Variants in RAB12 observed in about 807,000 individuals in gnomAD.
RAB12 encodes the protein ras-related protein Rab-12.
In RAB12, 11 loss-of-function variants were observed where a neutral mutation model predicts 28.4. The observed-to-expected ratio is 0.39, with a 90% CI of 0.24 to 0.64. RAB12 has a LOEUF of 0.64. Ranked by LOEUF, RAB12 falls within the 30% of genes least tolerant of loss-of-function variation. The pLI is 0.50. For missense variants in RAB12, 276 were observed against 351.1 expected (o/e 0.79, Z 1.71); for synonymous variants, 138 against 145.3 (o/e 0.95, Z 0.36).
intron 4 of RAB12, 71 bp from the exon 5 acceptor site, chr18:8,636,182 C>T: frequency 1.0e-6 from 1 of 976,306 alleles, no homozygotes. Context: ...AAGCTGAGCC[C>T]AGAGACCTCA....
At position 8,636,599 on chromosome 18, in the gene RAB12, A is replaced by G. The variant is rs75626974; in HGVS notation, c.909+242A>G. Among the ~76,000 whole-genome samples, 1,161 of 152,322 alleles carry G rather than the reference A, an allele frequency of 7.6e-3. 11 individuals carry two copies. The highest frequency in any genetic ancestry group is 0.027 in the African/African-American group (1,118 of 41,572). ...GCATACTTGCTTCGCCTTAAGATAC[A>G]GCAGGGTAGACTTAACAGGGTGTAG... On this transcript the variant is annotated intron_variant, in intron 5 of 5. Coordinates refer to ENST00000649141, the MANE Select transcript of RAB12 (RefSeq NM_001025300.3).
intron 1 of RAB12, among the ~76,000 whole-genome samples, chr18:8,613,586 AAATTACATATCTGTC>A (rs1281185397): frequency 6.6e-6 from 1 of 152,180 alleles, no homozygotes; most frequent in Non-Finnish European, 1.5e-5. Flanking sequence ...CAACTCCATA[AAATTACATATCTGTC>A]AATCTTTGTT....
intron 5 of RAB12, among the ~76,000 whole-genome samples, chr18:8,637,178 G>A (rs1323344083): frequency 6.6e-6 from 1 of 151,942 alleles, no homozygotes; most frequent in Non-Finnish European, 1.5e-5. Flanking sequence ...GCTGATGCAG[G>A]AGGATTGCTT....
intron 4 of RAB12, chr18:8,635,871 A>G (rs2096018603): frequency 2.2e-6 from 1 of 458,054 alleles, no homozygotes; most frequent in Admixed American, 3.9e-5. Context: ...TTATACAGAG[A>G]AACATATTTT....
chr18:8,609,629 C>G lies in RAB12; in HGVS notation c.190C>G (p.Pro64Ala), dbSNP rs2096002497. The change falls in exon 1 of 6, where the codon CCG becomes GCG. Residue 64 changes from proline to alanine, a missense_variant. Coordinates refer to ENST00000649141, the MANE Select transcript of RAB12 (RefSeq NM_001025300.3). Reference protein sequence around the residue: ...RAEAEPGADPPRAAEAEGAPG... With the variant: ...RAEAEPGADPARAAEAEGAPG... ...GGAAGCCGAGCCCGGGGCCGACCCC[C>G]CGCGCGCGGCGGAGGCCGAGGGGGC... The G allele has an allele frequency of 1.9e-6, 1 of 533,708 alleles. No individual in the cohort carries two copies. Among genetic ancestry groups the G allele is most frequent in the Non-Finnish European group, 2.4e-6 (1 of 419,886 alleles). 33.1% of individuals were successfully genotyped at this position (533,708 alleles called of 1,614,324 possible). A position where few individuals can be genotyped will look rare whatever the true frequency, so the allele number is the denominator to read the frequency against.
intron 1 of RAB12, among the ~76,000 whole-genome samples, chr18:8,611,594 C>T (rs147884534): frequency 6.6e-6 from 1 of 152,116 alleles, no homozygotes; most frequent in Non-Finnish European, 1.5e-5. Context: ...CCTTGACCGC[C>T]ATGCTAAGGA....
chr18:8,635,618 A>G lies in RAB12; in HGVS notation c.800A>G (p.Glu267Gly), dbSNP rs1231574401. 6.2e-7 allele frequency: 1 copy of G among 1,606,450 alleles called. No individual in the cohort carries two copies. Among genetic ancestry groups the G allele is most frequent in the Non-Finnish European group, 8.5e-7 (1 of 1,175,270 alleles). The change falls in exon 4 of 6, where the codon GAA becomes GGA. Residue 267 changes from glutamate (E) to glycine (G), a missense_variant. Physicochemically the swap from Glu to Gly is moderately conservative, Grantham distance 98 (BLOSUM62 -2). Coordinates refer to ENST00000649141, the MANE Select transcript of RAB12 (RefSeq NM_001025300.3). ...TDREITRQQG[E>G]KFAQQITGMR... ...AGAGAAATCACCAGGCAGCAGGGGG[A>G]AAAGGTGAGAGGGCGTGGGAGGCAC...
intron 5 of RAB12, 26 bp from the exon 6 acceptor site, chr18:8,638,123 T>C: frequency 7.0e-7 from 1 of 1,421,210 alleles, no homozygotes; most frequent in Non-Finnish European, 9.8e-7. Flanking sequence ...TTAAAACGGA[T>C]TTTTTTTTGT....
At chr18:8,636,948 A>G (rs576722289) in intron 5 of RAB12, among the ~76,000 whole-genome samples, 1 of 152,298 alleles carries the variant, frequency 6.6e-6, no homozygotes. Flanking sequence ...CAGTTCATAC[A>G]TAATTCAGAA....
At chr18:8,626,081 G>T (rs150128542) in intron 2 of RAB12, among the ~76,000 whole-genome samples, 2 of 152,234 alleles carry the variant, frequency 1.3e-5, no homozygotes, top group East Asian at 1.9e-4. Flanking sequence ...CTTTTCTGTT[G>T]TGCATTTGGT....
chr18:8,635,875 AT>A (rs1567897811), intron 4 of RAB12: 5 of 452,536 alleles, frequency 1.1e-5, no homozygotes, highest in African/African-American at 4.0e-5. Context: ...ACAGAGAAAC[AT>A]ATTTTAAGCC....
rs1377580998 is a variant in RAB12, at chr18:8,609,678, G to T, written c.239G>T (p.Arg80Leu). 1 of 920,642 alleles carries T rather than the reference G, an allele frequency of 1.1e-6. No homozygotes were observed. The highest frequency in any genetic ancestry group is 1.8e-5 in the African/African-American group (1 of 55,118). The allele number at this position is 920,642 out of a possible 1,614,324, so 57.0% of individuals were successfully genotyped here. Residue 80 changes from arginine to leucine, a missense_variant, in exon 1 of 6, where the codon CGG becomes CTG. By Grantham distance (102) the Arg-to-Leu change is moderately radical (BLOSUM62 -2). Coordinates refer to ENST00000649141, the MANE Select transcript of RAB12 (RefSeq NM_001025300.3). ...EGAPGPGARS[R>L]GAGGGGRRAE... ...GCGCCGGGGCCCGGGGCGCGCAGCC[G>T]GGGGGCGGGCGGCGGCGGGCGGCGG...
intron 5 of RAB12, among the ~76,000 whole-genome samples, chr18:8,637,807 G>A (rs1003735859): frequency 6.6e-6 from 1 of 152,100 alleles, no homozygotes; most frequent in Non-Finnish European, 1.5e-5. Context: ...CTTAAAGTAA[G>A]CTAGAGAAAA....
intron 1 of RAB12, among the ~76,000 whole-genome samples, chr18:8,623,225 T>C (rs1465495767): frequency 6.6e-6 from 1 of 152,166 alleles, no homozygotes; most frequent in Non-Finnish European, 1.5e-5. Context: ...CTTCACAATT[T>C]ATGTTTAGAG....
At chr18:8,610,506 C>G (rs1260951670) in intron 1 of RAB12, among the ~76,000 whole-genome samples, 2 of 152,240 alleles carry the variant, frequency 1.3e-5, no homozygotes, top group Non-Finnish European at 2.9e-5. Flanking sequence ...GGAGCTTCAG[C>G]TGTATTTATC....
intron 1 of RAB12, among the ~76,000 whole-genome samples, chr18:8,622,896 C>T (rs987870263): frequency 2.6e-5 from 4 of 152,154 alleles, no homozygotes; most frequent in Admixed American, 6.5e-5. Context: ...AAGAATTCAG[C>T]GATATTTCTC....
intron 2 of RAB12, 85 bp downstream of exon 2, chr18:8,625,083 T>G (rs2096011938): frequency 2.4e-6 from 2 of 834,952 alleles, no homozygotes; most frequent in Admixed American, 2.5e-5. Flanking sequence ...CTGTTTGAGC[T>G]GATTTGCCTC....
chr18:8,624,597 AG>A (rs2096011674), intron 1 of RAB12, among the ~76,000 whole-genome samples: 1 of 152,230 alleles, frequency 6.6e-6, no homozygotes, highest in Non-Finnish European at 1.5e-5. Flanking sequence ...ATCCTTTTAA[AG>A]CCACTTATTT....
intron 1 of RAB12, among the ~76,000 whole-genome samples, chr18:8,621,762 C>G (rs1347777880): frequency 2.0e-5 from 3 of 152,084 alleles, no homozygotes; most frequent in Non-Finnish European, 4.4e-5. Context: ...TCAGTCCTCT[C>G]CTTCCTCCTA....
Sources: gnomAD v4.1 joint callset for allele counts (sites outside exome capture counted in the v4.1 genomes callset) on GRCh38, gnomAD v4.1.1 for gene constraint, MANE v1.5 for transcripts, NCBI Gene and HGNC (gene_info 2026-07-23, HGNC 2026-07-21) for gene names.